The following LYST variants were observed in gnomAD, a reference collection of about 807,000 sequenced individuals.
The protein encoded by LYST is lysosomal-trafficking regulator.
In LYST, 192 loss-of-function variants were observed where a neutral mutation model predicts 413.6. The observed-to-expected ratio is 0.46, with a 90% CI of 0.41 to 0.52. LYST has a LOEUF of 0.52. Among genes scored for constraint, LYST ranks in the 20% least tolerant of loss-of-function variants. LYST has a pLI of 0.00. For synonymous variants in LYST, 1,525 were observed against 1,567.3 expected (o/e 0.97, Z 0.64); for missense variants, 3,815 against 4,499.9 (o/e 0.85, Z 4.35).
intron 1 of LYST, among the ~76,000 whole-genome samples, chr1:235,879,748 T>C (rs1484964627): frequency 6.6e-6 from 1 of 152,088 alleles, no homozygotes; most frequent in Non-Finnish European, 1.5e-5. Context: ...TTCTTTTTTT[T>C]TTTTTTGAGA....
chr1:235,689,044 C>T (rs865960484), intron 47 of LYST, among the ~76,000 whole-genome samples: 4,307 of 144,516 alleles, frequency 0.03, 233 homozygotes, highest in African/African-American at 0.11. Context: ...ACAACAACAA[C>T]AACAATAATA....
intron 8 of LYST, among the ~76,000 whole-genome samples, chr1:235,802,193 CAAAAAAAAAAAA>C (rs35511208): frequency 4.4e-5 from 2 of 45,072 alleles, no homozygotes; most frequent in South Asian, 1.1e-3. Context: ...GACTCCATTT[CAAAAAAAAAAAA>C]AAAAAAAAAA....
intron 1 of LYST, among the ~76,000 whole-genome samples, chr1:235,860,018 C>T (rs566962289): frequency 1.3e-5 from 2 of 152,130 alleles, no homozygotes; most frequent in African/African-American, 4.8e-5. Flanking sequence ...TTACAAATCA[C>T]TAAGCACTTG....
At position 235,734,598 on chromosome 1, in the gene LYST, G is replaced by A; in HGVS notation, c.8420C>T (p.Thr2807Ile). ...ELIHNHQGEL[T>I]EEELGTAELL... ...TTCTGCTGTGCCTAGCTCTTCTTCA[G>A]TCAATTCACCTTGGTGATTATGTAT... The change falls in exon 32 of 53, where the codon ACT becomes ATT. Residue 2807 changes from threonine (T) to isoleucine (I), a missense_variant. This residue lies in a region of LYST where 771 missense variants were observed against 837.1 expected (regional missense o/e 0.92). Transcript: ENST00000389793. The A allele has an allele frequency of 1.9e-6, 3 of 1,613,124 alleles. No homozygotes were observed. The highest frequency in any genetic ancestry group is 2.5e-6 in the Non-Finnish European group (3 of 1,179,262).
intron 20 of LYST, among the ~76,000 whole-genome samples, 181 bp from the exon 21 acceptor site, chr1:235,766,458 T>C (rs1668163414): frequency 6.6e-6 from 1 of 152,168 alleles, no homozygotes; most frequent in Non-Finnish European, 1.5e-5. Flanking sequence ...TCAAGCAATC[T>C]TGTTATTAAA....
chr1:235,790,851 G>A (rs1009698557), intron 12 of LYST, among the ~76,000 whole-genome samples: 1 of 152,196 alleles, frequency 6.6e-6, no homozygotes, highest in African/African-American at 2.4e-5. Flanking sequence ...AATGGCTGAT[G>A]CATTTAAACA....
At chr1:235,817,997 T>C (rs1343244486) in intron 3 of LYST, among the ~76,000 whole-genome samples, 2 of 152,186 alleles carry the variant, frequency 1.3e-5, no homozygotes, top group East Asian at 1.9e-4. Context: ...TTTTCTGTGA[T>C]GATTTTTTGA....
At position 235,804,546 on chromosome 1, in the gene LYST, A is replaced by C. The variant is rs773214446; in HGVS notation, c.3513T>G (p.Asn1171Lys). The change falls in exon 7 of 53, where the codon AAT becomes AAG. Residue 1171 changes from asparagine (N) to lysine (K), a missense_variant. Transcript: ENST00000389793. The part of the protein sequence containing the change: ...FDALLRVALG[N>K]YSADFEHNDA... ...CATTATGTTCAAAATCTGCTGAATA[A>C]TTCCCGAGGGCAACTCGAAGCAGGG... The C allele has an allele frequency of 6.2e-7, 1 of 1,613,772 alleles. No homozygotes were observed. The highest frequency in any genetic ancestry group is 8.5e-7 in the Non-Finnish European group (1 of 1,179,692).
intron 40 of LYST, among the ~76,000 whole-genome samples, chr1:235,717,011 C>G (rs1205959135): frequency 6.6e-6 from 1 of 152,194 alleles, no homozygotes; most frequent in South Asian, 2.1e-4. Context: ...TCCTGACTTA[C>G]AAGTAGCCTA....
At chr1:235,706,940 G>A (rs1662038752) in intron 44 of LYST, among the ~76,000 whole-genome samples, 1 of 152,186 alleles carries the variant, frequency 6.6e-6, no homozygotes, top group Non-Finnish European at 1.5e-5. Flanking sequence ...CTCAGATATG[G>A]AGTGGTCTAC....
chr1:235,675,783 G>A (rs1202817540), intron 50 of LYST, among the ~76,000 whole-genome samples: 1 of 152,162 alleles, frequency 6.6e-6, no homozygotes, highest in African/African-American at 2.4e-5. Context: ...CTGAGGGTGG[G>A]GCTCATGGCA....
chr1:235,754,721 T>A (rs1210720548), intron 25 of LYST, among the ~76,000 whole-genome samples: 1 of 152,114 alleles, frequency 6.6e-6, no homozygotes. Flanking sequence ...TTAGCAGATT[T>A]TTTCTAAAGG....
intron 40 of LYST, among the ~76,000 whole-genome samples, chr1:235,720,013 T>C (rs542001330): frequency 1.3e-5 from 2 of 151,680 alleles, no homozygotes; most frequent in Middle Eastern, 3.4e-3. Flanking sequence ...CTGTCTCTAC[T>C]AAAAATACAA....
intron 42 of LYST, among the ~76,000 whole-genome samples, 177 bp downstream of exon 42, chr1:235,715,024 A>G (rs1662712830): frequency 6.6e-6 from 1 of 152,208 alleles, no homozygotes; most frequent in East Asian, 1.9e-4. Context: ...TAGCAAGATG[A>G]TTTGGCTTAC....
At chr1:235,725,599 C>G (rs1663797729) in intron 38 of LYST, among the ~76,000 whole-genome samples, 1 of 152,134 alleles carries the variant, frequency 6.6e-6, no homozygotes, top group Admixed American at 6.6e-5. Flanking sequence ...TCTGGATGGC[C>G]TGGAAACGCC....
chr1:235,782,071 A>G lies in LYST; in HGVS notation c.4879T>C (p.Leu1627=). 1 of 1,612,920 alleles carries G rather than the reference A, an allele frequency of 6.2e-7. No homozygotes were observed. The highest frequency in any genetic ancestry group is 8.5e-7 in the Non-Finnish European group (1 of 1,179,098). Residue 1627 remains leucine (L), a synonymous_variant, in exon 15 of 53, where the codon TTG becomes CTG. Coordinates refer to ENST00000389793, the MANE Select transcript of LYST (RefSeq NM_000081.4). ...GTTTTTCTTGGAAGCATAAAATCCA[A>G]AGTAACATCAGGCTTCCTACATTAA... is the stretch of plus-strand genomic sequence containing the variant. ...VSGQRKPDVT[L]DFMLPRKTSL...
chr1:235,866,266 C>T (rs183905946), intron 1 of LYST, among the ~76,000 whole-genome samples: 10 of 152,304 alleles, frequency 6.6e-5, no homozygotes, highest in South Asian at 2.1e-4. Context: ...AAGAGAGGCT[C>T]TCGCCCAGTC....
intron 1 of LYST, among the ~76,000 whole-genome samples, chr1:235,882,522 A>G (rs898680923): frequency 1.3e-5 from 2 of 152,196 alleles, no homozygotes; most frequent in East Asian, 1.9e-4. Context: ...GAAAGGGACT[A>G]GAGGCAGAGA....
intron 18 of LYST, among the ~76,000 whole-genome samples, chr1:235,774,677 C>T (rs980082423): frequency 2.6e-5 from 4 of 152,100 alleles, no homozygotes; most frequent in Admixed American, 1.3e-4. Context: ...GTCTAAAATT[C>T]AATGAGTTTC....
Sources: allele counts gnomAD v4.1 joint callset (sites outside exome capture counted in the v4.1 genomes callset), GRCh38; gene constraint gnomAD v4.1.1; regional missense constraint gnomAD v4.1.1; transcripts MANE v1.5; gene names NCBI Gene and HGNC (gene_info 2026-07-23, HGNC 2026-07-21).